The following SOX6 variants were observed in gnomAD, a reference collection of about 807,000 sequenced individuals.
SOX6 encodes the protein SRY-box transcription factor 6.
In SOX6, 11 loss-of-function variants were observed where a neutral mutation model predicts 97.8. That is an observed-to-expected ratio of 0.11 (90% confidence interval 0.07 to 0.19). The LOEUF is 0.19. Ranked by LOEUF, SOX6 falls within the 10% of genes least tolerant of loss-of-function variation. SOX6 has a pLI of 1.00. For missense variants in SOX6, 810 were observed against 1,039.5 expected (o/e 0.78, Z 3.04); for synonymous variants, 360 against 371.4 (o/e 0.97, Z 0.35).
rs145119216 is a variant in SOX6, at chr11:16,738,265, G to A, written n.219+160C>T. ...TTGGTTAAGGTTTTTGTCCTGGGTGGAGGGTATTCGTGAGGATTCAGTCAG... is the reference window on the plus strand; with the variant it reads ...TTGGTTAAGGTTTTTGTCCTGGGTGAAGGGTATTCGTGAGGATTCAGTCAG... On this transcript the variant is annotated intron_variant and non_coding_transcript_variant, in intron 1 of 5. Coordinates refer to the SOX6 transcript ENST00000524520. 935 of 155,714 alleles carry A rather than the reference G, an allele frequency of 6.0e-3. 3 individuals carry two copies. Among genetic ancestry groups the A allele is most frequent in the Non-Finnish European group, 9.7e-3 (676 of 69,786 alleles). 9.6% of individuals were successfully genotyped at this position (155,714 alleles called of 1,614,324 possible). A position where few individuals can be genotyped will look rare whatever the true frequency, so the allele number is the denominator to read the frequency against.
chr11:15,979,066 A>ATATATATATATATATAT (rs1564890454), intron 15 of SOX6, among the ~76,000 whole-genome samples: 7 of 59,860 alleles, frequency 1.2e-4, no homozygotes, highest in African/African-American at 4.4e-4. Flanking sequence ...TATATATATA[A>ATATATATATATATATAT]AACTGCTTAT....
chr11:16,290,081 C>T (rs10832589), intron 3 of SOX6, among the ~76,000 whole-genome samples: 15,700 of 151,918 alleles, frequency 0.1, 1,005 homozygotes, highest in East Asian at 0.28. Flanking sequence ...GTACTTGTTT[C>T]GGTTACTACC....
intron 12 of SOX6, among the ~76,000 whole-genome samples, chr11:16,022,130 T>C (rs1855076658): frequency 6.6e-6 from 1 of 152,140 alleles, no homozygotes; most frequent in South Asian, 2.1e-4. Context: ...AGATTATACA[T>C]GTGAGTGCTT....
At position 16,021,933 on chromosome 11, in the gene SOX6, A is replaced by G. The variant is rs1348185813; in HGVS notation, c.1624-6883T>C. 3.3e-5 allele frequency among the ~76,000 whole-genome samples: 5 copies of G among 152,236 alleles called. No homozygotes were observed. The East Asian group carries it at 9.7e-4, about 30-fold the overall frequency. ...AAATACTATTGTTATCAACCAGAAG[A>G]AGGTGAGGTTCAAAAAGAATTTTTA... On this transcript the variant is annotated intron_variant, in intron 12 of 15. Transcript: ENST00000683767.
rs915919897 is a variant in SOX6 at position 15,988,857 on chromosome 11, G to A, written c.1966+140C>T. 5 of 785,148 alleles carry A rather than the reference G, an allele frequency of 6.4e-6. No homozygotes were observed. In the East Asian group the frequency reaches 7.4e-5, roughly 12 times the overall value. The allele number at this position is 785,148 out of a possible 1,614,324, so 48.6% of individuals were successfully genotyped here. ...CAGACGTGATGACGAAGGCTCCTGC[G>A]GCAGCTGGCTGACCTTCGTCTAACT... is the stretch of plus-strand genomic sequence containing the variant. On this transcript the variant is annotated intron_variant, in intron 14 of 15. Transcript: ENST00000683767.
chr11:16,462,793 C>T (rs1859956419), intron 1 of SOX6, among the ~76,000 whole-genome samples: 1 of 152,188 alleles, frequency 6.6e-6, no homozygotes, highest in Non-Finnish European at 1.5e-5. Flanking sequence ...AGGCAACAAT[C>T]ACTCTGTCCA....
chr11:16,188,467 G>C (rs1851541340), intron 4 of SOX6, among the ~76,000 whole-genome samples: 1 of 152,032 alleles, frequency 6.6e-6, no homozygotes, highest in Non-Finnish European at 1.5e-5. Flanking sequence ...CTTGGTAAAA[G>C]GAAGAATTTA....
intron 3 of SOX6, among the ~76,000 whole-genome samples, chr11:16,256,743 G>T (rs9971406): frequency 0.78 from 117,938 of 150,950 alleles, 46,182 homozygotes; most frequent in Non-Finnish European, 0.8. Context: ...AAAATAAAGG[G>T]TATACAGATT....
At chr11:16,072,729 T>A (rs1312339798) in intron 9 of SOX6, among the ~76,000 whole-genome samples, 1 of 152,198 alleles carries the variant, frequency 6.6e-6, no homozygotes, top group Non-Finnish European at 1.5e-5. Context: ...GGGAACCCCA[T>A]TAAGCTAATA....
chr11:16,104,620 T>C (rs559829642), intron 7 of SOX6, among the ~76,000 whole-genome samples: 14 of 150,476 alleles, frequency 9.3e-5, no homozygotes, highest in Admixed American at 6.0e-4. Context: ...CATACACAGG[T>C]TGGGGGTTAT....
At chr11:16,635,123 T>C (rs187071736) in intron 3 of SOX6, among the ~76,000 whole-genome samples, 1 of 152,212 alleles carries the variant, frequency 6.6e-6, no homozygotes, top group African/African-American at 2.4e-5. Context: ...ATACAGTAAA[T>C]TGGTACCAGG....
chr11:16,187,017 G>A (rs1341948706), intron 4 of SOX6, 62 bp from the exon 5 acceptor site: 2 of 1,582,158 alleles, frequency 1.3e-6, no homozygotes, highest in Non-Finnish European at 1.7e-6. Flanking sequence ...ATAAGGGAAA[G>A]GAGGGCAGAA....
intron 6 of SOX6, among the ~76,000 whole-genome samples, chr11:16,129,144 A>C (rs1306547339): frequency 2.0e-5 from 3 of 151,640 alleles, no homozygotes; most frequent in Admixed American, 1.3e-4. Context: ...CTGGGATTAC[A>C]GGCATGAGCC....
chr11:16,154,880 G>A (rs746992480), intron 6 of SOX6, among the ~76,000 whole-genome samples: 1 of 151,940 alleles, frequency 6.6e-6, no homozygotes, highest in Non-Finnish European at 1.5e-5. Flanking sequence ...AATATTTGTA[G>A]TGGGGCAGTT....
intron 2 of SOX6, among the ~76,000 whole-genome samples, chr11:16,728,413 T>C (rs1255198245): frequency 3.3e-5 from 5 of 152,224 alleles, no homozygotes; most frequent in Non-Finnish European, 5.9e-5. Flanking sequence ...TTCTGCATTC[T>C]CTGCCAGTGA....
At chr11:16,466,434 CT>C (rs1431697682) in intron 1 of SOX6, among the ~76,000 whole-genome samples, 1 of 152,062 alleles carries the variant, frequency 6.6e-6, no homozygotes, top group Non-Finnish European at 1.5e-5. Flanking sequence ...TATTTCACAT[CT>C]TATAGATCAC....
At chr11:16,006,814 A>G (rs1197089178) in intron 13 of SOX6, among the ~76,000 whole-genome samples, 1 of 151,962 alleles carries the variant, frequency 6.6e-6, no homozygotes, top group East Asian at 1.9e-4. Context: ...TTTTTAAAAA[A>G]CCTTTCCCTC....
chr11:16,185,072 G>T (rs1324917105), intron 5 of SOX6, among the ~76,000 whole-genome samples: 1 of 152,114 alleles, frequency 6.6e-6, no homozygotes, highest in African/African-American at 2.4e-5. Flanking sequence ...TATGCAGGGG[G>T]TAGTGCCCAA....
At chr11:16,648,177 C>T (rs1849041767) in intron 3 of SOX6, among the ~76,000 whole-genome samples, 1 of 152,120 alleles carries the variant, frequency 6.6e-6, no homozygotes, top group South Asian at 2.1e-4. Context: ...CAGCATGGCA[C>T]CATGGAGCAA....
Sources: gnomAD v4.1 joint callset for allele counts (sites outside exome capture counted in the v4.1 genomes callset) on GRCh38, gnomAD v4.1.1 for gene constraint, MANE v1.5 for transcripts, NCBI Gene and HGNC (gene_info 2026-07-23, HGNC 2026-07-21) for gene names.